VARS1: variants seen among roughly 807,000 people sequenced by gnomAD.
VARS1 encodes the protein valine--tRNA ligase.
VARS1 carries 92 observed loss-of-function variants against 161.0 expected under a neutral mutation model. The ratio of observed to expected loss-of-function variants is 0.57; its 90% confidence interval spans 0.48 to 0.68. The LOEUF (loss-of-function observed/expected upper bound fraction) is 0.68. Ranked by LOEUF, VARS1 falls within the 30% of genes least tolerant of loss-of-function variation. VARS1 has a pLI of 0.00. For synonymous variants in VARS1, 595 were observed against 682.5 expected, an observed-to-expected ratio of 0.87 and a Z score of 2.00; for missense variants, 1,338 against 1,695.9, an observed-to-expected ratio of 0.79 and a Z score of 3.71.
In VARS1 at chr6:31,782,950, C is replaced by A; in HGVS notation, c.1763-105G>T. Reference sequence around the variant, plus strand: ...GTAGCTCCGAGACCACTCCTGGCCCCCACTTGTCTAATACAGTCCCTTGAG... The same window carrying A: ...GTAGCTCCGAGACCACTCCTGGCCCACACTTGTCTAATACAGTCCCTTGAG... On this transcript the variant is annotated intron_variant, in intron 14 of 29. Transcript: ENST00000375663. This position sits in a 1 kb window ranked among gnomAD's most constrained non-coding sequence, Gnocchi z 8.3. 3 of 1,528,238 alleles carry A rather than the reference C, an allele frequency of 2.0e-6. No individual in the cohort carries two copies. In the South Asian group the frequency reaches 3.8e-5, roughly 19 times the overall value. 94.7% of individuals were successfully genotyped at this position (1,528,238 alleles called of 1,614,324 possible).
chr6:31,777,718 A>G lies in VARS1; in HGVS notation c.3727-56T>C. The G allele has an allele frequency of 6.4e-7, 1 of 1,574,456 alleles. No individual in the cohort carries two copies. Among genetic ancestry groups the G allele is most frequent in the Non-Finnish European group, 8.7e-7 (1 of 1,155,168 alleles). ...CCAGGTCCAAGTGAAGAGACCCCCA[A>G]ACACCCAGGACAACAAAGTTGGAAA... is the stretch of plus-strand genomic sequence containing the variant. On this transcript the variant is annotated intron_variant, in intron 29 of 29. Transcript: ENST00000375663. This position sits in a 1 kb window ranked among gnomAD's most constrained non-coding sequence, Gnocchi z 5.8.
At position 31,787,785 on chromosome 6, in the gene VARS1, T is replaced by C. The variant is rs576463219; in HGVS notation, c.1101-2052A>G. On this transcript the variant is annotated intron_variant, in intron 8 of 29. Transcript: ENST00000375663. Reference sequence around the variant, plus strand: ...TGAGCCCAGAAGTTCAAGACCAGCCTGGGCAACATAGCGAGACCCTCTCTT... The same window carrying C: ...TGAGCCCAGAAGTTCAAGACCAGCCCGGGCAACATAGCGAGACCCTCTCTT... 1.8e-4 allele frequency among the ~76,000 whole-genome samples: 27 copies of C among 152,060 alleles called. No homozygotes were observed. The South Asian group carries it at 3.1e-3, about 18-fold the overall frequency.
rs1193004797 is a variant in VARS1, at chr6:31,791,854, C to A, written c.972+17G>T. 6.8e-6 allele frequency: 11 copies of A among 1,611,242 alleles called. No homozygotes were observed. In the South Asian group the frequency reaches 1.2e-4, roughly 18 times the overall value. On this transcript the variant is annotated intron_variant, in intron 7 of 29. Transcript: ENST00000375663. This position sits in a 1 kb window ranked among gnomAD's most constrained non-coding sequence, Gnocchi z 5.0. ...CCACCCCACCCACTCTGGGCCTGGGCAGCAGTGCCTACTCACCCCATACTC... is the reference window on the plus strand; with the variant it reads ...CCACCCCACCCACTCTGGGCCTGGGAAGCAGTGCCTACTCACCCCATACTC...
chr6:31,790,482 A>C (rs1043947754), intron 8 of VARS1, among the ~76,000 whole-genome samples: 2 of 151,616 alleles, frequency 1.3e-5, no homozygotes, highest in African/African-American at 2.4e-5. Flanking sequence ...GGTGCCTGTA[A>C]TGCCAGCTAC....
In VARS1 at chr6:31,779,059, G is replaced by T; in HGVS notation, c.3634C>A (p.Gln1212Lys). ...TCCCGCAGACGCTGGGCCTGCCGCT[G>T]GGCCTCAACTCGCTTGGCTTGCAGC... is the stretch of plus-strand genomic sequence containing the variant. ...GKLQAKRVEA[Q>K]RQAQRLRERR... The change falls in exon 29 of 30, where the codon CAG becomes AAG. Residue 1212 changes from glutamine to lysine, a missense_variant. Gln to Lys is a moderately conservative substitution (Grantham distance 53, BLOSUM62 1). Transcript: ENST00000375663. The surrounding 1 kb of genome is among the most constrained non-coding windows in gnomAD (Gnocchi z 9.1). 6.2e-7 allele frequency: 1 copy of T among 1,612,768 alleles called. No homozygotes were observed. Among genetic ancestry groups the T allele is most frequent in the Non-Finnish European group, 8.5e-7 (1 of 1,179,962 alleles).
At position 31,777,569 on chromosome 6, in the gene VARS1, G is replaced by A. The variant is rs1812819254; in HGVS notation, c.*25C>T. The A allele has an allele frequency of 3.1e-6, 5 of 1,613,700 alleles. No individual in the cohort carries two copies. In the African/African-American group the frequency reaches 4.0e-5, roughly 13 times the overall value. On this transcript the variant is annotated 3_prime_UTR_variant, in exon 30 of 30. Coordinates refer to ENST00000375663, the MANE Select transcript of VARS1 (RefSeq NM_006295.3). The surrounding 1 kb of genome is among the most constrained non-coding windows in gnomAD (Gnocchi z 5.8). ...CCATCCCCATGGTGAGCCGCTGGGG[G>A]TGAGGGGTGAAGCTGGGTGGTGGAT...
chr6:31,779,924 C>CA lies in VARS1; in HGVS notation c.3081+73_3081+74insT. ...GTTGGCTTAGGTCTCAAGGCCAACT[C>CA]TGGCAAAACTGAGCCCAGGGCTCTG... On this transcript the variant is annotated intron_variant, in intron 26 of 29. Coordinates refer to ENST00000375663, the MANE Select transcript of VARS1 (RefSeq NM_006295.3). This position sits in a 1 kb window ranked among gnomAD's most constrained non-coding sequence, Gnocchi z 9.1. The CA allele has an allele frequency of 1.2e-6, 2 of 1,604,146 alleles. No homozygotes were observed. Among genetic ancestry groups the CA allele is most frequent in the Non-Finnish European group, 8.5e-7 (1 of 1,174,714 alleles).
chr6:31,784,480 C>T lies in VARS1; in HGVS notation c.1490G>A (p.Gly497Asp). 1 of 1,614,116 alleles carries T rather than the reference C, an allele frequency of 6.2e-7. No individual in the cohort carries two copies. The highest frequency in any genetic ancestry group is 8.5e-7 in the Non-Finnish European group (1 of 1,180,044). The change falls in exon 12 of 30, where the codon GGT becomes GAT. Residue 497 changes from glycine (G) to aspartate (D), a missense_variant. This residue lies in a region of VARS1 where 902 missense variants were observed against 1,090.3 expected (regional missense o/e 0.83). Transcript: ENST00000375663. This position sits in a 1 kb window ranked among gnomAD's most constrained non-coding sequence, Gnocchi z 6.1. ...DIEVDKKELT[G>D]RTLLSVPGYK... is the part of the protein sequence containing the mutation. ...GCCAGGCACGGAGAGCAGGGTGCGA[C>T]CTGTCAGCTCCTTCTTATCCACCTG...
At position 31,783,083 on chromosome 6, in the gene VARS1, G is replaced by A. The variant is rs375202757; in HGVS notation, c.1762+13C>T. 5.3e-5 allele frequency: 86 copies of A among 1,611,714 alleles called. No individual in the cohort carries two copies. The highest frequency in any genetic ancestry group is 6.8e-5 in the Non-Finnish European group (80 of 1,179,494). The stretch of plus-strand genomic sequence containing the variant: ...GTCTTTTCCTCTCCCCACAGGACCA[G>A]CCCCTTGCCCACCTGTGCCAAAGTC... On this transcript the variant is annotated intron_variant, in intron 14 of 29. Transcript: ENST00000375663.
Position 31,784,329 on chromosome 6 carries a change from G to A in VARS1, c.1577-21C>T. ...GCTATCTGGGGTGACAGAAGGCCTT[G>A]TGGTCTTGGCCTTGGCCCCTTCCTG... is the stretch of plus-strand genomic sequence containing the variant. On this transcript the variant is annotated intron_variant, in intron 12 of 29. Transcript: ENST00000375663. The surrounding 1 kb of genome is among the most constrained non-coding windows in gnomAD (Gnocchi z 6.1). The A allele has an allele frequency of 2.5e-6, 4 of 1,614,152 alleles. No homozygotes were observed. In the South Asian group the frequency reaches 4.4e-5, roughly 18 times the overall value.
At chr6:31,787,320 GA>G (rs1030126362) in intron 8 of VARS1, among the ~76,000 whole-genome samples, 1 of 151,556 alleles carries the variant, frequency 6.6e-6, no homozygotes, top group Non-Finnish European at 1.5e-5. Flanking sequence ...ACGTTCACTG[GA>G]AAAAAAATGT....
rs375095621 is a variant in VARS1, at chr6:31,781,839, C to G, written c.2347+8G>C. The G allele has an allele frequency of 1.1e-5, 17 of 1,612,940 alleles. No homozygotes were observed. The highest frequency in any genetic ancestry group is 4.0e-5 in the African/African-American group (3 of 74,944). ...AACTCCCTCCAGACCCTCAAAGCCCCGCCTTGCCTTGCTGGAGACTGATCT... is the reference window on the plus strand; with the variant it reads ...AACTCCCTCCAGACCCTCAAAGCCCGGCCTTGCCTTGCTGGAGACTGATCT... On this transcript the variant is annotated splice_region_variant and intron_variant, in intron 19 of 29. Coordinates refer to ENST00000375663, the MANE Select transcript of VARS1 (RefSeq NM_006295.3). The surrounding 1 kb of genome is among the most constrained non-coding windows in gnomAD (Gnocchi z 6.8).
rs1188759076 is a variant in VARS1, at chr6:31,784,231, TG to T, written c.1653del (p.Asp553IlefsTer7). On this transcript the variant is annotated frameshift_variant, in exon 13 of 30. Coordinates refer to ENST00000375663, the MANE Select transcript of VARS1 (RefSeq NM_006295.3). LOFTEE classifies it high-confidence loss of function. This position sits in a 1 kb window ranked among gnomAD's most constrained non-coding sequence, Gnocchi z 6.1. ...MLGDVAVAVHPKDTRYQHLKG... is the reference protein window; with the variant it reads ...MLGDVAVAVHXKDTRYQHLKG... ...TCCCCCACCTGGTATCTGGTATCTT[TG>T]GGGTGCACAGCTACAGCCACATCTC... is the stretch of plus-strand genomic sequence containing the variant. 1.2e-6 allele frequency: 2 copies of T among 1,614,168 alleles called. No individual in the cohort carries two copies. The highest frequency in any genetic ancestry group is 4.5e-5 in the East Asian group (2 of 44,878).
Position 31,783,664 on chromosome 6 carries a change from C to CTT in VARS1, c.1672-480_1672-479dup, listed in dbSNP as rs113840487. Among the ~76,000 whole-genome samples the CTT allele has an allele frequency of 2.2e-3, 307 of 142,742 alleles. 1 individual carries two copies. Among genetic ancestry groups the CTT allele is most frequent in the African/African-American group, 2.4e-3 (95 of 38,828 alleles). 93.6% of individuals were successfully genotyped at this position (142,742 alleles called of 152,430 possible). On this transcript the variant is annotated intron_variant, in intron 13 of 29. Coordinates refer to ENST00000375663, the MANE Select transcript of VARS1 (RefSeq NM_006295.3). ...AGAGTGAGACCTTGTCTCTATTTAA[C>CTT]TTTTTTTTTTTTTTTGAGACGGAGT...
In VARS1 at chr6:31,792,703, T is replaced by C. The variant is rs1442762168; in HGVS notation, c.661+54A>G. On this transcript the variant is annotated intron_variant, in intron 4 of 29. Transcript: ENST00000375663. The stretch of plus-strand genomic sequence containing the variant: ...TTTCTAGGAAAAAAAGAAAGTGAGT[T>C]GCATGGAAGGCCCCAGGGAAGCCCC... The C allele has an allele frequency of 1.9e-6, 3 of 1,605,096 alleles. No individual in the cohort carries two copies. In the Admixed American group the frequency reaches 5.1e-5, roughly 27 times the overall value.
chr6:31,782,275 C>T lies in VARS1; in HGVS notation c.2150+10G>A, dbSNP rs201943587. On this transcript the variant is annotated intron_variant, in intron 17 of 29. Transcript: ENST00000375663. The surrounding 1 kb of genome is among the most constrained non-coding windows in gnomAD (Gnocchi z 8.3). ...CGGCAAGCCCCTCCCACACTGAGGA[C>T]CCTACACACCGGATGTTGTCCATCC... is the stretch of plus-strand genomic sequence containing the variant. 1.2e-6 allele frequency: 2 copies of T among 1,611,758 alleles called. No individual in the cohort carries two copies. The highest frequency in any genetic ancestry group is 1.7e-6 in the Non-Finnish European group (2 of 1,179,042).
chr6:31,780,289 G>A lies in VARS1; in HGVS notation c.2926-136C>T. ...CCACCTATGTGCCAGGATCTGGGAA[G>A]AAGTGACAGGCCCCAGCCCCCAATG... is the stretch of plus-strand genomic sequence containing the variant. On this transcript the variant is annotated intron_variant, in intron 25 of 29. Transcript: ENST00000375663. The surrounding 1 kb of genome is among the most constrained non-coding windows in gnomAD (Gnocchi z 5.1). 2.0e-6 allele frequency: 3 copies of A among 1,514,234 alleles called. No individual in the cohort carries two copies. The highest frequency in any genetic ancestry group is 2.7e-6 in the Non-Finnish European group (3 of 1,128,546). The allele number at this position is 1,514,234 out of a possible 1,614,324, so 93.8% of individuals were successfully genotyped here.
chr6:31,779,033 T>C lies in VARS1; in HGVS notation c.3660A>G (p.Glu1220=), dbSNP rs2151416577. The C allele has an allele frequency of 1.2e-6, 2 of 1,612,938 alleles. No homozygotes were observed. The highest frequency in any genetic ancestry group is 1.3e-5 in the African/African-American group (1 of 75,050). The change falls in exon 29 of 30, where the codon GAA becomes GAG. Residue 1220 remains glutamate, a synonymous_variant. Transcript: ENST00000375663. The surrounding 1 kb of genome is among the most constrained non-coding windows in gnomAD (Gnocchi z 9.1). ...CAGGATAGCCCGAGGCAGCACGGCG[T>C]TCCCGCAGACGCTGGGCCTGCCGCT... ...EAQRQAQRLR[E]RRAASGYPVK... is the part of the protein sequence containing the mutation.
In VARS1 at chr6:31,778,416, G is replaced by A. The variant is rs1391949808; in HGVS notation, c.3726+551C>T. ...ATGTGTAAGGGGAGGGCCTTCTATG[G>A]TCCCTGCTCAAAGCGCCTGGGCTCC... On this transcript the variant is annotated intron_variant, in intron 29 of 29. Coordinates refer to ENST00000375663, the MANE Select transcript of VARS1 (RefSeq NM_006295.3). This position sits in a 1 kb window ranked among gnomAD's most constrained non-coding sequence, Gnocchi z 5.1. Among the ~76,000 whole-genome samples, 3 of 152,190 alleles carry A rather than the reference G, an allele frequency of 2.0e-5. No homozygotes were observed. Among genetic ancestry groups the A allele is most frequent in the Admixed American group, 2.0e-4 (3 of 15,282 alleles).
Sources: allele counts gnomAD v4.1 joint callset (sites outside exome capture counted in the v4.1 genomes callset), GRCh38; gene constraint gnomAD v4.1.1; regional missense constraint gnomAD v4.1.1; non-coding constraint Gnocchi (gnomAD v3.1); transcripts MANE v1.5; gene names NCBI Gene and HGNC (gene_info 2026-07-23, HGNC 2026-07-21).